Variants in MID1 observed in about 807,000 individuals in gnomAD.
The protein encoded by MID1 is E3 ubiquitin-protein ligase Midline-1.
MID1 carries 7 observed loss-of-function variants against 40.4 expected under a neutral mutation model. The observed-to-expected ratio is 0.17, with a 90% CI of 0.10 to 0.33. The LOEUF (loss-of-function observed/expected upper bound fraction) is 0.33. MID1 is among the 10% of genes least tolerant of loss of function. MID1 has a pLI of 1.00. For missense variants in MID1, 367 were observed against 558.5 expected (o/e 0.66, Z 3.46); for synonymous variants, 229 against 221.2 (o/e 1.04, Z -0.31).
chrX:10,817,623 C>CT (rs749401235), intron 1 of MID1, among the ~76,000 whole-genome samples: 825 of 37,249 alleles, frequency 0.022, 10 homozygotes, highest in African/African-American at 0.038. Context: ...TTTCTTTCTT[C>CT]TTTTTTTTTT....
At chrX:10,611,518 A>G (rs192991633) in intron 1 of MID1, among the ~76,000 whole-genome samples, 29 of 111,593 alleles carry the variant, frequency 2.6e-4, no homozygotes, top group African/African-American at 9.1e-4. Flanking sequence ...ACTTTTTGTT[A>G]TTCAACTATG....
chrX:10,790,076 C>G (rs2043917702), intron 1 of MID1, among the ~76,000 whole-genome samples: 1 of 111,708 alleles, frequency 9.0e-6, no homozygotes, highest in Non-Finnish European at 1.9e-5. Flanking sequence ...AATATCCTCC[C>G]CCTACCACTA....
intron 1 of MID1, among the ~76,000 whole-genome samples, chrX:10,630,184 C>G (rs1936036877): frequency 8.9e-6 from 1 of 111,777 alleles, no homozygotes; most frequent in African/African-American, 3.3e-5. Context: ...CATGAGCATA[C>G]CTTCTAGTGA....
chrX:10,663,046 A>G (rs1012560440), intron 1 of MID1, among the ~76,000 whole-genome samples: 1 of 112,049 alleles, frequency 8.9e-6, no homozygotes, highest in Non-Finnish European at 1.9e-5. Context: ...TGTAACAATT[A>G]AAAGCATTTT....
intron 3 of MID1, among the ~76,000 whole-genome samples, chrX:10,522,629 T>C: frequency 8.9e-6 from 1 of 111,802 alleles, no homozygotes; most frequent in East Asian, 2.8e-4. Context: ...CTGGAGTAGC[T>C]GGGACTACAG....
chrX:10,525,888 G>A (rs1293008770), intron 2 of MID1, among the ~76,000 whole-genome samples: 1 of 112,212 alleles, frequency 8.9e-6, no homozygotes, highest in Non-Finnish European at 1.9e-5. Context: ...AGTCACCATT[G>A]CCCCATGTCA....
At chrX:10,622,733 A>T (rs144129666), upstream of MID1, among the ~76,000 whole-genome samples, 398 of 111,419 alleles carry the variant, frequency 3.6e-3, no homozygotes, top group Middle Eastern at 0.018. Flanking sequence ...TAAATGACCC[A>T]GTCTAAGGTA....
rs755062530 is a variant in MID1, at chrX:10,488,288, C to T, written c.865-5660G>A. On this transcript the variant is annotated intron_variant, in intron 4 of 9. Transcript: ENST00000317552. ...TGTGAGCCACCGTGACCAGTCTCAC[C>T]TACAAGTTTTGTATGGACATAGCTT... Among the ~76,000 whole-genome samples the T allele has an allele frequency of 2.5e-4, 28 of 111,372 alleles. No individual in the cohort carries two copies. The South Asian group carries it at 0.01, about 42-fold the overall frequency.
intron 1 of MID1, among the ~76,000 whole-genome samples, chrX:10,752,118 T>A (rs1441694736): frequency 1.8e-5 from 2 of 111,328 alleles, no homozygotes; most frequent in East Asian, 5.7e-4. Flanking sequence ...TGAGCCTAAA[T>A]ACATTTATTT....
At chrX:10,525,787 C>T (rs1467779185) in intron 2 of MID1, among the ~76,000 whole-genome samples, 2 of 111,929 alleles carry the variant, frequency 1.8e-5, no homozygotes, top group Non-Finnish European at 3.8e-5. Context: ...GTCAGGTTCC[C>T]TTTGAGTCCA....
intron 3 of MID1, among the ~76,000 whole-genome samples, chrX:10,510,344 A>G (rs1932054561): frequency 9.0e-6 from 1 of 111,570 alleles, no homozygotes; most frequent in Non-Finnish European, 1.9e-5. Context: ...CTTCAGGTCA[A>G]TCCTCACCCC....
chrX:10,685,854 G>A (rs746716455), intron 1 of MID1, among the ~76,000 whole-genome samples: 4 of 92,355 alleles, frequency 4.3e-5, no homozygotes, highest in Non-Finnish European at 8.3e-5. Context: ...GGGACCCCTC[G>A]GCCCCTACAC....
At chrX:10,462,658 T>C (rs752400277) in intron 7 of MID1, among the ~76,000 whole-genome samples, 2 of 105,570 alleles carry the variant, frequency 1.9e-5, no homozygotes, top group East Asian at 5.7e-4. Context: ...ATTTTATACA[T>C]TTTTTTTTTC....
At chrX:10,490,344 G>T (rs934991214) in intron 4 of MID1, among the ~76,000 whole-genome samples, 2 of 111,742 alleles carry the variant, frequency 1.8e-5, no homozygotes, top group African/African-American at 6.5e-5. Flanking sequence ...ATTTTCAATT[G>T]TTACTAATAT....
intron 1 of MID1, among the ~76,000 whole-genome samples, chrX:10,671,248 G>A (rs1419470555): frequency 8.9e-6 from 1 of 112,019 alleles, no homozygotes; most frequent in Non-Finnish European, 1.9e-5. Flanking sequence ...AAGCAAGGCA[G>A]TAGAGTGTAA....
chrX:10,716,575 A>G (rs760536011), intron 1 of MID1, among the ~76,000 whole-genome samples: 5 of 112,287 alleles, frequency 4.5e-5, no homozygotes, highest in East Asian at 5.6e-4. Context: ...TGATTGGTGT[A>G]CCTGAAAGTG....
At chrX:10,613,732 T>TAGAGAGAGAGAGAGAG (rs1163813461) in intron 1 of MID1, among the ~76,000 whole-genome samples, 4 of 17,480 alleles carry the variant, frequency 2.3e-4, no homozygotes, top group Non-Finnish European at 4.3e-4. Flanking sequence ...TATATATATA[T>TAGAGAGAGAGAGAGAG]AGAGAGAGAG....
chrX:10,786,733 C>T (rs1191019454), intron 1 of MID1, among the ~76,000 whole-genome samples: 1 of 102,691 alleles, frequency 9.7e-6, no homozygotes, highest in Non-Finnish European at 2.0e-5. Flanking sequence ...AACCAAACAC[C>T]ACATGTTCTC....
At chrX:10,462,987 G>T (rs1340175059) in intron 7 of MID1, among the ~76,000 whole-genome samples, 2 of 110,917 alleles carry the variant, frequency 1.8e-5, no homozygotes, top group African/African-American at 3.3e-5. Flanking sequence ...TAGCCATTAA[G>T]GCTTGAAAAA....
Sources: gnomAD v4.1 joint callset for allele counts (sites outside exome capture counted in the v4.1 genomes callset) on GRCh38, gnomAD v4.1.1 for gene constraint, MANE v1.5 for transcripts, NCBI Gene and HGNC (gene_info 2026-07-23, HGNC 2026-07-21) for gene names.